POU2F2: variants seen among roughly 807,000 people sequenced by gnomAD.
POU2F2 encodes the protein POU class 2 homeobox 2.
Under a neutral mutation model 63.5 loss-of-function variants are expected in POU2F2, and 14 were observed. The observed-to-expected ratio is 0.22, with a 90% CI of 0.15 to 0.34. The LOEUF is 0.34. Among genes scored for constraint, POU2F2 ranks in the 10% least tolerant of loss-of-function variants. POU2F2 has a pLI of 1.00. For synonymous variants in POU2F2, 306 were observed against 348.6 expected, an observed-to-expected ratio of 0.88 and a Z score of 1.36; for missense variants, 607 against 815.2, an observed-to-expected ratio of 0.74 and a Z score of 3.11.
At position 42,169,870 on chromosome 19, in the gene POU2F2, C is replaced by G. The variant is rs2034725130; in HGVS notation, c.-70+6093G>C. Among the ~76,000 whole-genome samples the G allele has an allele frequency of 6.6e-6, 1 of 152,040 alleles. No homozygotes were observed. The highest frequency in any genetic ancestry group is 6.6e-5 in the Admixed American group (1 of 15,260). On this transcript the variant is annotated intron_variant, in intron 1 of 6. Coordinates refer to the POU2F2 transcript ENST00000524801. This position sits in a 1 kb window ranked among gnomAD's most constrained non-coding sequence, Gnocchi z 4.3. ...GGATGAGTACCTTTTCTCTGTCTCT[C>G]TCTCTCTCACACACACACCCTTGCT...
intron 2 of POU2F2, among the ~76,000 whole-genome samples, chr19:42,138,154 G>A (rs905903177): frequency 2.6e-5 from 4 of 152,214 alleles, no homozygotes; most frequent in African/African-American, 4.8e-5. Context: ...AAGAACCAGA[G>A]GATGGAGTGT....
At chr19:42,142,505 A>G (rs1012836954) in intron 2 of POU2F2, among the ~76,000 whole-genome samples, 4 of 150,416 alleles carry the variant, frequency 2.7e-5, no homozygotes, top group African/African-American at 4.9e-5. Flanking sequence ...TTTAGTTTTA[A>G]TAATGAGATT....
Position 42,117,282 on chromosome 19 carries a change from G to C in POU2F2, c.337C>G (p.Gln113Glu). 6.7e-7 allele frequency: 1 copy of C among 1,495,840 alleles called. No homozygotes were observed. The highest frequency in any genetic ancestry group is 8.9e-7 in the Non-Finnish European group (1 of 1,129,178). 92.7% of individuals were successfully genotyped at this position (1,495,840 alleles called of 1,614,324 possible). A position where few individuals can be genotyped will look rare whatever the true frequency, so the allele number is the denominator to read the frequency against. Residue 113 changes from glutamine to glutamate, a missense_variant, in exon 5 of 15, where the codon CAA (glutamine) becomes GAA (glutamate). Physicochemically the swap from Gln to Glu is conservative, Grantham distance 29 (BLOSUM62 2). Around this residue, in one of 7 missense-constraint regions of POU2F2, gnomAD observed 224 missense variants for 264.3 expected, o/e 0.85. Transcript: ENST00000692977. The surrounding 1 kb of genome is among the most constrained non-coding windows in gnomAD (Gnocchi z 4.4). ...AGCTGGCTGCCCGTCAACATGAGTT[G>C]GGCCTGGGGCAGATGAGGCTGGGCC... Reference protein sequence around the residue: ...QPAQPHLPQAQLMLTGSQLAG... With the variant: ...QPAQPHLPQAELMLTGSQLAG...
In POU2F2 at chr19:42,096,372, C is replaced by T; in HGVS notation, c.568-129G>A. 2 of 965,290 alleles carry T rather than the reference C, an allele frequency of 2.1e-6. No individual in the cohort carries two copies. The highest frequency in any genetic ancestry group is 3.0e-6 in the Non-Finnish European group (2 of 669,156). The allele number at this position is 965,290 out of a possible 1,614,324, so 59.8% of individuals were successfully genotyped here. A position where few individuals can be genotyped will look rare whatever the true frequency, so the allele number is the denominator to read the frequency against. On this transcript the variant is annotated intron_variant, in intron 7 of 14. Coordinates refer to ENST00000692977, the MANE Select transcript of POU2F2 (RefSeq NM_001394376.1). This position sits in a 1 kb window ranked among gnomAD's most constrained non-coding sequence, Gnocchi z 4.1. The stretch of plus-strand genomic sequence containing the variant: ...TCCGCCGCCTGCAGACTCCCCCCGC[C>T]TTCCTCCACAAGCACCGTCAATCCC...
chr19:42,173,823 G>T (rs1429188499), intron 1 of POU2F2, among the ~76,000 whole-genome samples: 1 of 152,126 alleles, frequency 6.6e-6, no homozygotes, highest in African/African-American at 2.4e-5. Flanking sequence ...CAGGGAAATG[G>T]GGGTCTGGAC....
At chr19:42,099,891 T>A (rs1401292840) in intron 5 of POU2F2, 70 bp from the exon 6 acceptor site, 1 of 1,299,138 alleles carries the variant, frequency 7.7e-7, no homozygotes, top group Non-Finnish European at 1.1e-6. Flanking sequence ...CTGCATCACC[T>A]GAACCTTGAG....
Position 42,153,603 on chromosome 19 carries a change from T to C in POU2F2, c.-9+6729A>G, listed in dbSNP as rs1268061879. ...TCAGGGATCTGCGCGGTGGTCTCTATGTGTACTGGAAGCAGGTTCTCCTCA... is the reference window on the plus strand; with the variant it reads ...TCAGGGATCTGCGCGGTGGTCTCTACGTGTACTGGAAGCAGGTTCTCCTCA... On this transcript the variant is annotated intron_variant, in intron 2 of 6. Coordinates refer to the POU2F2 transcript ENST00000524801. This position sits in a 1 kb window ranked among gnomAD's most constrained non-coding sequence, Gnocchi z 5.6. Among the ~76,000 whole-genome samples the C allele has an allele frequency of 2.6e-5, 4 of 152,070 alleles. No individual in the cohort carries two copies. Among genetic ancestry groups the C allele is most frequent in the Non-Finnish European group, 5.9e-5 (4 of 68,022 alleles).
chr19:42,116,298 G>A (rs2031848566), intron 5 of POU2F2, among the ~76,000 whole-genome samples: 1 of 152,100 alleles, frequency 6.6e-6, no homozygotes, highest in Non-Finnish European at 1.5e-5. Flanking sequence ...ATAAGCCAGG[G>A]GACACGATGA....
At chr19:42,112,974 C>T (rs1291520297) in intron 5 of POU2F2, among the ~76,000 whole-genome samples, 1 of 152,206 alleles carries the variant, frequency 6.6e-6, no homozygotes, top group Non-Finnish European at 1.5e-5. Context: ...CAAACTCCTT[C>T]CCATTCCCCT....
chr19:42,093,799 C>A (rs374195703), intron 12 of POU2F2, 30 bp downstream of exon 12: 317 of 1,584,508 alleles, frequency 2.0e-4, no homozygotes, highest in East Asian at 3.0e-4. Flanking sequence ...TCCTCCCAGT[C>A]CCCCCTCACC....
chr19:42,122,316 C>A, intron 3 of POU2F2, 28 bp downstream of exon 3: 1 of 1,593,780 alleles, frequency 6.3e-7, no homozygotes, highest in Non-Finnish European at 8.6e-7. Context: ...CCTTCCCACC[C>A]CCTCCCGCTT....
At chr19:42,172,915 G>A (rs2034798918) in intron 1 of POU2F2, among the ~76,000 whole-genome samples, 1 of 152,180 alleles carries the variant, frequency 6.6e-6, no homozygotes, top group South Asian at 2.1e-4. Flanking sequence ...GACAGCTAAT[G>A]GGATAGGACA....
At chr19:42,154,556 C>T (rs1017033154) in intron 2 of POU2F2, among the ~76,000 whole-genome samples, 39 of 151,460 alleles carry the variant, frequency 2.6e-4, no homozygotes, top group East Asian at 7.8e-4. Flanking sequence ...AAAGAGAGAA[C>T]GGGGGCCAGA....
chr19:42,148,107 T>C (rs1004796077), intron 2 of POU2F2, among the ~76,000 whole-genome samples: 2 of 151,696 alleles, frequency 1.3e-5, no homozygotes, highest in Non-Finnish European at 2.9e-5. Flanking sequence ...CCCTCACCTC[T>C]TTCCAGGTTT....
rs1026384316 is a variant in POU2F2, at chr19:42,087,774, G to A, written c.*3483C>T. The A allele has an allele frequency of 6.6e-6, 1 of 151,444 alleles. No individual in the cohort carries two copies. The highest frequency in any genetic ancestry group is 1.5e-5 in the Non-Finnish European group (1 of 67,898). 9.4% of individuals were successfully genotyped at this position (151,444 alleles called of 1,614,324 possible). ...GCCCAGGCCCTTGGCCCCCAACCTC[G>A]GACATCTAACCTAGCCCATAGCCTA... is the stretch of plus-strand genomic sequence containing the variant. On this transcript the variant is annotated 3_prime_UTR_variant, in exon 15 of 15. Coordinates refer to ENST00000692977, the MANE Select transcript of POU2F2 (RefSeq NM_001394376.1).
upstream of POU2F2, among the ~76,000 whole-genome samples, chr19:42,197,660 A>C (rs1052626810): frequency 2.6e-5 from 4 of 152,144 alleles, no homozygotes; most frequent in African/African-American, 9.7e-5. Flanking sequence ...AGGAGGCCAC[A>C]ACCTCAGCTG....
upstream of POU2F2, among the ~76,000 whole-genome samples, chr19:42,180,037 T>C (rs2034943349): frequency 6.6e-6 from 1 of 152,022 alleles, no homozygotes. Context: ...ACAACACAAA[T>C]AAATACAGGA....
chr19:42,129,478 C>T (rs1190953728), intron 1 of POU2F2, among the ~76,000 whole-genome samples: 1 of 152,170 alleles, frequency 6.6e-6, no homozygotes, highest in Non-Finnish European at 1.5e-5. Flanking sequence ...TTCACTTCTC[C>T]TCTGCATTTC....
chr19:42,093,004 TATATA>T lies in POU2F2; in HGVS notation c.1265-739_1265-735del, dbSNP rs1318486545. On this transcript the variant is annotated intron_variant, in intron 12 of 14. Transcript: ENST00000692977. Reference sequence around the variant, plus strand: ...GTGTGTGTGTATATATATATATATATATATATTTTTTTTTTTTTTTTTTTTGAGAT... The same window carrying T: ...GTGTGTGTGTATATATATATATATATTTTTTTTTTTTTTTTTTTTTGAGAT... Among the ~76,000 whole-genome samples, 383 of 99,164 alleles carry T rather than the reference TATATA, an allele frequency of 3.9e-3. 4 individuals carry two copies. Among genetic ancestry groups the T allele is most frequent in the African/African-American group, 0.015 (366 of 24,120 alleles). The allele number at this position is 99,164 out of a possible 152,430, so 65.1% of individuals were successfully genotyped here. A position where few individuals can be genotyped will look rare whatever the true frequency, so the allele number is the denominator to read the frequency against.
Sources: gnomAD v4.1 joint callset for allele counts (sites outside exome capture counted in the v4.1 genomes callset) on GRCh38, gnomAD v4.1.1 for gene constraint, gnomAD v4.1.1 regional missense constraint, Gnocchi (gnomAD v3.1) non-coding constraint, MANE v1.5 for transcripts, NCBI Gene and HGNC (gene_info 2026-07-23, HGNC 2026-07-21) for gene names.